ZNF416: variants seen among roughly 807,000 people sequenced by gnomAD.
ZNF416 encodes the protein zinc finger protein 416.
Under a neutral mutation model 10.9 loss-of-function variants are expected in ZNF416, and 5 were observed. That is an observed-to-expected ratio of 0.46 (90% confidence interval 0.24 to 0.97). The LOEUF (loss-of-function observed/expected upper bound fraction) is 0.97, where lower values mean the gene tolerates loss of function less well. ZNF416 is among the 50% of genes least tolerant of loss of function. The probability of loss-of-function intolerance (pLI) is 0.19; values close to 1 mark genes in which losing one functional copy is unlikely to be tolerated. For synonymous variants in ZNF416, 267 were observed against 251.8 expected (o/e 1.06, Z -0.57); for missense variants, 675 against 715.0 (o/e 0.94, Z 0.64).
In ZNF416 at chr19:57,575,977, G is replaced by C; in HGVS notation, c.76-47C>G. On this transcript the variant is annotated intron_variant, in intron 2 of 3. Coordinates refer to ENST00000196489, the MANE Select transcript of ZNF416 (RefSeq NM_017879.3). The surrounding 1 kb of genome is among the most constrained non-coding windows in gnomAD (Gnocchi z 4.4). ...TTTCCATGATCAGATTCTCTCCTAG[G>C]ACCCCAAGTTCATGCCCCCCACACA... 6.3e-7 allele frequency: 1 copy of C among 1,593,766 alleles called. No homozygotes were observed. Among genetic ancestry groups the C allele is most frequent in the Non-Finnish European group, 8.6e-7 (1 of 1,168,162 alleles).
chr19:57,572,588 T>G lies in ZNF416; in HGVS notation c.1316A>C (p.Glu439Ala). 1 of 1,614,016 alleles carries G rather than the reference T, an allele frequency of 6.2e-7. No homozygotes were observed. The highest frequency in any genetic ancestry group is 1.3e-5 in the African/African-American group (1 of 74,954). Residue 439 changes from glutamate to alanine, a missense_variant, in exon 4 of 4, where the codon GAG becomes GCG. Transcript: ENST00000196489. The surrounding 1 kb of genome is among the most constrained non-coding windows in gnomAD (Gnocchi z 4.5). ...QLIHSGARPF[E>A]CDECGKSFSQ... ...AAAGGATTTTCCGCACTCATCACAC[T>G]CAAAGGGCCTAGCTCCACTGTGAAT... is the stretch of plus-strand genomic sequence containing the variant.
chr19:57,574,630 G>C (rs1978461234), intron 3 of ZNF416, among the ~76,000 whole-genome samples: 1 of 152,184 alleles, frequency 6.6e-6, no homozygotes, highest in African/African-American at 2.4e-5. Flanking sequence ...CTGAAAGCAG[G>C]ATAAGAAAGA....
Position 57,571,826 on chromosome 19 carries a change from C to T in ZNF416, c.*293G>A. The T allele has an allele frequency of 3.0e-6, 1 of 338,874 alleles. No individual in the cohort carries two copies. The highest frequency in any genetic ancestry group is 5.4e-6 in the Non-Finnish European group (1 of 185,112). The allele number at this position is 338,874 out of a possible 1,614,324, so 21.0% of individuals were successfully genotyped here. A position where few individuals can be genotyped will look rare whatever the true frequency, so the allele number is the denominator to read the frequency against. On this transcript the variant is annotated 3_prime_UTR_variant, in exon 4 of 4. Coordinates refer to ENST00000196489, the MANE Select transcript of ZNF416 (RefSeq NM_017879.3). Reference sequence around the variant, plus strand: ...AGGCTCAGACTGCTCAAGGAATTTCCTCCAAGGGTTGGGAGAACACAGGTG... The same window carrying T: ...AGGCTCAGACTGCTCAAGGAATTTCTTCCAAGGGTTGGGAGAACACAGGTG...
intron 2 of ZNF416, 98 bp from the exon 3 acceptor site, chr19:57,576,028 T>A: frequency 1.3e-6 from 2 of 1,484,492 alleles, no homozygotes; most frequent in Non-Finnish European, 1.8e-6. Flanking sequence ...TCCCCATACC[T>A]AAGCCCCACC....
rs1978396937 is a variant in ZNF416 at position 57,573,437 on chromosome 19, G to A, written c.467C>T (p.Ala156Val). ...GAACAGGCAGCACTGCACAAATGAG[G>A]CCTTGTCCATGTCACTTTCCAAGGG... ...EKPLESDMDKASFVQCCLFHE... is the reference protein window; with the variant it reads ...EKPLESDMDKVSFVQCCLFHE... The change falls in exon 4 of 4, where the codon GCC becomes GTC. Residue 156 changes from alanine (A) to valine (V), a missense_variant. Physicochemically the swap from Ala to Val is moderately conservative, Grantham distance 64. Transcript: ENST00000196489. 6.2e-7 allele frequency: 1 copy of A among 1,614,248 alleles called. No individual in the cohort carries two copies. Among genetic ancestry groups the A allele is most frequent in the Non-Finnish European group, 8.5e-7 (1 of 1,180,036 alleles).
chr19:57,572,721 A>T lies in ZNF416; in HGVS notation c.1183T>A (p.Phe395Ile). Residue 395 changes from phenylalanine (F) to isoleucine (I), a missense_variant, in exon 4 of 4, where the codon TTC (phenylalanine) becomes ATC (isoleucine). Coordinates refer to ENST00000196489, the MANE Select transcript of ZNF416 (RefSeq NM_017879.3). The surrounding 1 kb of genome is among the most constrained non-coding windows in gnomAD (Gnocchi z 4.5). The part of the protein sequence containing the change: ...GECGKLFRQS[F>I]SLVVHQRIHT... ...ATTCTCTGGTGTACAACAAGGCTGA[A>T]GCTTTGTCTGAATAATTTCCCACAT... The T allele has an allele frequency of 6.2e-7, 1 of 1,613,986 alleles. No individual in the cohort carries two copies. Among genetic ancestry groups the T allele is most frequent in the Non-Finnish European group, 8.5e-7 (1 of 1,179,998 alleles).
At chr19:57,574,473 A>T (rs1324190018) in intron 3 of ZNF416, among the ~76,000 whole-genome samples, 3 of 152,144 alleles carry the variant, frequency 2.0e-5, no homozygotes, top group Non-Finnish European at 2.9e-5. Flanking sequence ...ATAAATTCCT[A>T]TGTCACTGAC....
chr19:57,573,409 A>G lies in ZNF416; in HGVS notation c.495T>C (p.His165=). ...KASFVQCCLF[H]ESGMPFTSSE... is the part of the protein sequence containing the mutation. ...TGCTGGTGAAAGGCATTCCTGACTC[A>G]TGGAACAGGCAGCACTGCACAAATG... Residue 165 remains histidine, a synonymous_variant, in exon 4 of 4, where the codon CAT becomes CAC. Coordinates refer to ENST00000196489, the MANE Select transcript of ZNF416 (RefSeq NM_017879.3). 1 of 1,614,260 alleles carries G rather than the reference A, an allele frequency of 6.2e-7. No individual in the cohort carries two copies. The highest frequency in any genetic ancestry group is 1.1e-5 in the South Asian group (1 of 91,090).
At position 57,575,910 on chromosome 19, in the gene ZNF416, G is replaced by T. The variant is rs140090288; in HGVS notation, c.96C>A (p.Asp32Glu). 5.0e-6 allele frequency: 8 copies of T among 1,613,766 alleles called. No homozygotes were observed. Among genetic ancestry groups the T allele is most frequent in the Non-Finnish European group, 6.8e-6 (8 of 1,179,928 alleles). ...CTTCCTGGGAGAAGTAAATGGCCAC[G>T]TCCTCAAAGGTCACACAGCCCTGCC... is the stretch of plus-strand genomic sequence containing the variant. ...GFTQGCVTFE[D>E]VAIYFSQEEW... Residue 32 changes from aspartate (D) to glutamate (E), a missense_variant, in exon 3 of 4, where the codon GAC becomes GAA. Transcript: ENST00000196489. This position sits in a 1 kb window ranked among gnomAD's most constrained non-coding sequence, Gnocchi z 4.4.
At position 57,578,735 on chromosome 19, in the gene ZNF416, G is replaced by T; in HGVS notation, c.-31C>A. The T allele has an allele frequency of 6.9e-7, 1 of 1,458,912 alleles. No individual in the cohort carries two copies. Among genetic ancestry groups the T allele is most frequent in the Non-Finnish European group, 9.1e-7 (1 of 1,100,790 alleles). 90.4% of individuals were successfully genotyped at this position (1,458,912 alleles called of 1,614,324 possible). A position where few individuals can be genotyped will look rare whatever the true frequency, so the allele number is the denominator to read the frequency against. On this transcript the variant is annotated 5_prime_UTR_variant, in exon 1 of 4. Transcript: ENST00000196489. ...TGTGAGCGGAGCGGGGCCGGGAGCGGCGGGCGACCCGGGGCGGGAACCCAG... is the reference window on the plus strand; with the variant it reads ...TGTGAGCGGAGCGGGGCCGGGAGCGTCGGGCGACCCGGGGCGGGAACCCAG...
chr19:57,578,156 G>A (rs374836319), intron 1 of ZNF416, 58 bp from the exon 2 acceptor site: 21 of 1,566,882 alleles, frequency 1.3e-5, no homozygotes, highest in African/African-American at 1.2e-4. Context: ...TCCATGGGCT[G>A]ATGCCTCCTT....
chr19:57,575,958 T>A lies in ZNF416; in HGVS notation c.76-28A>T, dbSNP rs1432069284. The stretch of plus-strand genomic sequence containing the variant: ...GCCATGATGGGGATAGATCTTTCCA[T>A]GATCAGATTCTCTCCTAGGACCCCA... On this transcript the variant is annotated intron_variant, in intron 2 of 3. Transcript: ENST00000196489. The surrounding 1 kb of genome is among the most constrained non-coding windows in gnomAD (Gnocchi z 4.4). 1 of 1,608,504 alleles carries A rather than the reference T, an allele frequency of 6.2e-7. No individual in the cohort carries two copies. The highest frequency in any genetic ancestry group is 8.5e-7 in the Non-Finnish European group (1 of 1,176,806).
rs750455178 is a variant in ZNF416 at position 57,575,615 on chromosome 19, A to G, written c.202+189T>C. Among the ~76,000 whole-genome samples, 1 of 152,208 alleles carries G rather than the reference A, an allele frequency of 6.6e-6. No homozygotes were observed. Among genetic ancestry groups the G allele is most frequent in the Non-Finnish European group, 1.5e-5 (1 of 68,032 alleles). ...CTCAAGACACCTAACAGCCAGACCC[A>G]TCCCTGTGCATTTTGGGACAGCAAA... On this transcript the variant is annotated intron_variant, in intron 3 of 3. Transcript: ENST00000196489. This position sits in a 1 kb window ranked among gnomAD's most constrained non-coding sequence, Gnocchi z 4.4.
Position 57,572,330 on chromosome 19 carries a change from C to T in ZNF416, c.1574G>A (p.Gly525Glu). 1 of 1,614,114 alleles carries T rather than the reference C, an allele frequency of 6.2e-7. No individual in the cohort carries two copies. The highest frequency in any genetic ancestry group is 8.5e-7 in the Non-Finnish European group (1 of 1,180,018). ...IHTGLRPYDC[G>E]QCGKSFIQKS... ...TTGGATAAAGGATTTCCCGCACTGTCCACAGTCGTAAGGCCTTAATCCAGT... is the reference window on the plus strand; with the variant it reads ...TTGGATAAAGGATTTCCCGCACTGTTCACAGTCGTAAGGCCTTAATCCAGT... The change falls in exon 4 of 4, where the codon GGA (glycine) becomes GAA (glutamate). Residue 525 changes from glycine (G) to glutamate (E), a missense_variant. Physicochemically the swap from Gly to Glu is moderately conservative, Grantham distance 98. Transcript: ENST00000196489. This position sits in a 1 kb window ranked among gnomAD's most constrained non-coding sequence, Gnocchi z 4.5.
Position 57,572,869 on chromosome 19 carries a change from G to A in ZNF416, c.1035C>T (p.Cys345=). 1 of 1,613,004 alleles carries A rather than the reference G, an allele frequency of 6.2e-7. No homozygotes were observed. The highest frequency in any genetic ancestry group is 8.5e-7 in the Non-Finnish European group (1 of 1,179,684). ...AAGGCCTTTCTCCAGTGTGAATTCT[G>A]CAATGTTCAATAAGGTTGGAACTTT... ...FSQSSNLIEH[C]RIHTGERPYE... is the part of the protein sequence containing the mutation. The change falls in exon 4 of 4, where the codon TGC becomes TGT. Residue 345 remains cysteine (C), a synonymous_variant. Transcript: ENST00000196489. This position sits in a 1 kb window ranked among gnomAD's most constrained non-coding sequence, Gnocchi z 4.5.
Position 57,572,490 on chromosome 19 carries a change from C to G in ZNF416, c.1414G>C (p.Gly472Arg). 1 of 1,613,984 alleles carries G rather than the reference C, an allele frequency of 6.2e-7. No individual in the cohort carries two copies. Among genetic ancestry groups the G allele is most frequent in the Non-Finnish European group, 8.5e-7 (1 of 1,180,002 alleles). ...TTAGATTTGAACATAAAAGCTTTCC[C>G]ACATTCCCCACATACATAAGGCCTT... Reference protein sequence around the residue: ...AERPYVCGECGKAFMFKSKLV... With the variant: ...AERPYVCGECRKAFMFKSKLV... Residue 472 changes from glycine to arginine, a missense_variant, in exon 4 of 4, where the codon GGG (glycine) becomes CGG (arginine). Coordinates refer to ENST00000196489, the MANE Select transcript of ZNF416 (RefSeq NM_017879.3). This position sits in a 1 kb window ranked among gnomAD's most constrained non-coding sequence, Gnocchi z 4.5.
At position 57,573,408 on chromosome 19, in the gene ZNF416, C is replaced by T; in HGVS notation, c.496G>A (p.Glu166Lys). 6.2e-7 allele frequency: 1 copy of T among 1,614,260 alleles called. No homozygotes were observed. The highest frequency in any genetic ancestry group is 8.5e-7 in the Non-Finnish European group (1 of 1,180,044). Residue 166 changes from glutamate (E) to lysine (K), a missense_variant, in exon 4 of 4, where the codon GAG (glutamate) becomes AAG (lysine). Physicochemically the swap from Glu to Lys is moderately conservative, Grantham distance 56. Coordinates refer to ENST00000196489, the MANE Select transcript of ZNF416 (RefSeq NM_017879.3). ...ASFVQCCLFHESGMPFTSSEV... is the reference protein window; with the variant it reads ...ASFVQCCLFHKSGMPFTSSEV... ...CTGCTGGTGAAAGGCATTCCTGACT[C>T]ATGGAACAGGCAGCACTGCACAAAT...
chr19:57,572,671 CTCA>C lies in ZNF416; in HGVS notation c.1230_1232del (p.Tyr410_Glu411delinsTer). 1 of 1,614,162 alleles carries C rather than the reference CTCA, an allele frequency of 6.2e-7. No homozygotes were observed. Among genetic ancestry groups the C allele is most frequent in the Non-Finnish European group, 8.5e-7 (1 of 1,180,032 alleles). On this transcript the variant is annotated stop_gained and inframe_deletion, in exon 4 of 4. Coordinates refer to ENST00000196489, the MANE Select transcript of ZNF416 (RefSeq NM_017879.3). LOFTEE classifies it low-confidence loss of function (END_TRUNC). This position sits in a 1 kb window ranked among gnomAD's most constrained non-coding sequence, Gnocchi z 4.5. ...TAAATGATTTCCCACACTGGCCACA[CTCA>C]TAAGGCCTTGCTGTAGTGTGAATTC...
At chr19:57,578,234 G>A (rs773031996) in intron 1 of ZNF416, 136 bp from the exon 2 acceptor site, 11 of 834,290 alleles carry the variant, frequency 1.3e-5, no homozygotes, top group Non-Finnish European at 1.8e-5. Context: ...CCTCAGTTCC[G>A]TGTGACTCTT....
Sources: allele counts gnomAD v4.1 joint callset (sites outside exome capture counted in the v4.1 genomes callset), GRCh38; gene constraint gnomAD v4.1.1; non-coding constraint Gnocchi (gnomAD v3.1); transcripts MANE v1.5; gene names NCBI Gene and HGNC (gene_info 2026-07-23, HGNC 2026-07-21).